Variants in KIF1B observed in about 807,000 individuals in gnomAD.
KIF1B encodes kinesin-like protein KIF1B.
In KIF1B, 76 loss-of-function variants were observed where a neutral mutation model predicts 241.9. That is an observed-to-expected ratio of 0.31 (90% CI 0.26 to 0.38). The LOEUF is 0.38. Among genes scored for constraint, KIF1B ranks in the 10% least tolerant of loss-of-function variants. KIF1B has a pLI of 1.00. For synonymous variants in KIF1B, 750 were observed against 796.7 expected (o/e 0.94, Z 0.99); for missense variants, 1,622 against 2,271.4 (o/e 0.71, Z 5.81).
At chr1:10,311,796 A>G (rs17410217) in intron 22 of KIF1B, among the ~76,000 whole-genome samples, 45,747 of 150,868 alleles carry the variant, frequency 0.3, 7,489 homozygotes, top group Middle Eastern at 0.36. Flanking sequence ...CTATTTCTAT[A>G]TGTTTCTCTG....
rs1557714854 is a variant in KIF1B, at chr1:10,324,785, G to A, written c.2565G>A (p.Met855Ile). Residue 855 changes from methionine to isoleucine, a missense_variant, in exon 26 of 49, where the codon ATG becomes ATA. By Grantham distance (10) the Met-to-Ile change is conservative (BLOSUM62 1). Transcript: ENST00000676179. ...AGAGGCTGGATTTGATGCGAGAGAT[G>A]TATGATAGGGCAGGGGAGATGGCCT... ...LKQRLDLMRE[M>I]YDRAGEMASS... The A allele has an allele frequency of 1.2e-6, 2 of 1,613,956 alleles. No individual in the cohort carries two copies. The highest frequency in any genetic ancestry group is 1.1e-5 in the South Asian group (1 of 91,078).
intron 38 of KIF1B, among the ~76,000 whole-genome samples, chr1:10,354,168 AT>A: frequency 6.6e-6 from 1 of 152,334 alleles, no homozygotes; most frequent in African/African-American, 2.4e-5. Flanking sequence ...GTGAGTTAGA[AT>A]GAGTTCATCA....
chr1:10,260,867 CAAA>C (rs199595339), intron 4 of KIF1B, among the ~76,000 whole-genome samples: 3 of 99,764 alleles, frequency 3.0e-5, no homozygotes, highest in Admixed American at 1.1e-4. Flanking sequence ...AACTCGGTCT[CAAA>C]AAAAAAAAAA....
chr1:10,370,360 A>C (rs1638695199), intron 44 of KIF1B, among the ~76,000 whole-genome samples: 1 of 152,018 alleles, frequency 6.6e-6, no homozygotes, highest in South Asian at 2.1e-4. Flanking sequence ...CCAAGAGTTC[A>C]AGACGAGCCT....
At chr1:10,314,991 A>T (rs1343193616) in intron 22 of KIF1B, among the ~76,000 whole-genome samples, 1 of 150,738 alleles carries the variant, frequency 6.6e-6, no homozygotes, top group East Asian at 1.9e-4. Flanking sequence ...TGTAATGTAT[A>T]GTTTTTCCCC....
chr1:10,273,739 A>AAAAAAAAAAAAAAC (rs1557680883), intron 10 of KIF1B, among the ~76,000 whole-genome samples: 5 of 67,682 alleles, frequency 7.4e-5, no homozygotes, highest in African/African-American at 2.0e-4. Context: ...AAAAAAAAAA[A>AAAAAAAAAAAAAAC]CCCAACAAAC....
At chr1:10,248,609 G>A (rs1307982824) in intron 2 of KIF1B, among the ~76,000 whole-genome samples, 1 of 152,180 alleles carries the variant, frequency 6.6e-6, no homozygotes, top group African/African-American at 2.4e-5. Context: ...TCTCATGGGA[G>A]TCTTTATGTT....
intron 1 of KIF1B, among the ~76,000 whole-genome samples, chr1:10,225,310 C>A (rs1420746649): frequency 6.6e-6 from 1 of 151,954 alleles, no homozygotes; most frequent in Non-Finnish European, 1.5e-5. Flanking sequence ...AGAGTGAGGC[C>A]TTGTCTTAAA....
intron 2 of KIF1B, among the ~76,000 whole-genome samples, chr1:10,247,302 T>C (rs1647235148): frequency 6.6e-6 from 1 of 152,264 alleles, no homozygotes; most frequent in Non-Finnish European, 1.5e-5. Flanking sequence ...TTGCTGTTCC[T>C]TAAATTTCAT....
At chr1:10,266,413 A>G (rs1648466941) in intron 5 of KIF1B, among the ~76,000 whole-genome samples, 1 of 152,218 alleles carries the variant, frequency 6.6e-6, no homozygotes, top group East Asian at 1.9e-4. Context: ...ATTAATCACC[A>G]TGATCGAATG....
At chr1:10,345,606 A>T in intron 34 of KIF1B, 1 of 503,276 alleles carries the variant, frequency 2.0e-6, no homozygotes, top group Non-Finnish European at 3.6e-6. Context: ...ATCATTAGAG[A>T]CAGTTTGTTG....
intron 22 of KIF1B, among the ~76,000 whole-genome samples, chr1:10,314,113 A>G (rs1203134677): frequency 1.3e-5 from 2 of 151,146 alleles, no homozygotes; most frequent in Admixed American, 1.3e-4. Flanking sequence ...GCTGGTCTCG[A>G]ACTCCTAACT....
chr1:10,304,061 G>A (rs1398880046), intron 22 of KIF1B: 6 of 1,611,632 alleles, frequency 3.7e-6, no homozygotes, highest in South Asian at 1.1e-5. Context: ...CGGAAGCCCC[G>A]CTTCCCCTTT....
At chr1:10,269,118 C>G (rs1648638429) in intron 7 of KIF1B, among the ~76,000 whole-genome samples, 1 of 152,062 alleles carries the variant, frequency 6.6e-6, no homozygotes, top group Non-Finnish European at 1.5e-5. Flanking sequence ...TATAAAAGAT[C>G]CTTTGCCTTA....
At chr1:10,273,709 C>CAAAAAAAAA (rs56349613) in intron 10 of KIF1B, among the ~76,000 whole-genome samples, 44 of 49,588 alleles carry the variant, frequency 8.9e-4, no homozygotes, top group African/African-American at 3.2e-3. Flanking sequence ...TCCTCCTCCT[C>CAAAAAAAAA]AAAAAAAAAA....
intron 38 of KIF1B, among the ~76,000 whole-genome samples, chr1:10,359,554 TAAC>T (rs1194153583): frequency 2.0e-5 from 3 of 152,282 alleles, no homozygotes; most frequent in East Asian, 1.9e-4. Context: ...ATTAGAACAA[TAAC>T]AACAAAATAG....
At position 10,381,168 on chromosome 1, in the gene KIF1B, G is replaced by T. The variant is rs892197364; in HGVS notation, c.*4581G>T. ...CTATTCTGGCATCAGCTCACTTGAG[G>T]AGTCCCTCAGCCTTCTTGTATTTAA... On this transcript the variant is annotated 3_prime_UTR_variant, in exon 49 of 49. Coordinates refer to ENST00000676179, the MANE Select transcript of KIF1B (RefSeq NM_001365951.3). 1 of 220,266 alleles carries T rather than the reference G, an allele frequency of 4.5e-6. No individual in the cohort carries two copies. Among genetic ancestry groups the T allele is most frequent in the Non-Finnish European group, 9.1e-6 (1 of 109,734 alleles). 13.6% of individuals were successfully genotyped at this position (220,266 alleles called of 1,614,324 possible).
chr1:10,343,198 T>C (rs1480473335), intron 33 of KIF1B, 34 bp from the exon 34 acceptor site: 1 of 1,611,574 alleles, frequency 6.2e-7, no homozygotes, highest in Non-Finnish European at 8.5e-7. Context: ...AATAACTCTT[T>C]ATAGTCTTGA....
chr1:10,232,713 G>T (rs1316995048), intron 2 of KIF1B, among the ~76,000 whole-genome samples: 21 of 152,112 alleles, frequency 1.4e-4, no homozygotes, highest in Admixed American at 1.4e-3. Context: ...TGATAATAAA[G>T]GTATAAACAG....
Sources: allele counts gnomAD v4.1 joint callset (sites outside exome capture counted in the v4.1 genomes callset), GRCh38; gene constraint gnomAD v4.1.1; transcripts MANE v1.5; gene names NCBI Gene and HGNC (gene_info 2026-07-23, HGNC 2026-07-21).